Variants in PDE10A observed in about 807,000 individuals in gnomAD.
PDE10A encodes the protein phosphodiesterase 10A.
In PDE10A, 39 loss-of-function variants were observed where a neutral mutation model predicts 97.7. The observed-to-expected ratio is 0.40, with a 90% CI of 0.31 to 0.52. The LOEUF (loss-of-function observed/expected upper bound fraction) is 0.52, where lower values mean the gene tolerates loss of function less well. Among genes scored for constraint, PDE10A ranks in the 20% least tolerant of loss-of-function variants. PDE10A has a pLI of 0.56. For synonymous variants in PDE10A, 371 were observed against 376.8 expected (o/e 0.98, Z 0.18); for missense variants, 731 against 1,047.8 (o/e 0.70, Z 4.17).
rs148227009 is a variant in PDE10A, at chr6:165,788,004, T to C, written c.-615+199525A>G. On this transcript the variant is annotated intron_variant, in intron 1 of 19. Transcript: ENST00000366882. ...TTCATGTTCCTCAATGAGAGTGTGA[T>C]GTATAGACATTCATTTAAATCTGTA... Among the ~76,000 whole-genome samples, 10 of 152,352 alleles carry C rather than the reference T, an allele frequency of 6.6e-5. No homozygotes were observed. In the East Asian group the frequency reaches 1.9e-3, roughly 29 times the overall value.
chr6:165,619,371 G>GTGTAGTCTAATGTAGTGTA (rs1562634555), intron 1 of PDE10A, among the ~76,000 whole-genome samples: 2 of 7,654 alleles, frequency 2.6e-4, no homozygotes, highest in Admixed American at 1.4e-3. Context: ...AGTGTAGTGT[G>GTGTAGTCTAATGTAGTGTA]GTGTAGTGTA....
chr6:165,785,149 G>A (rs1279998483), intron 1 of PDE10A, among the ~76,000 whole-genome samples: 1 of 152,180 alleles, frequency 6.6e-6, no homozygotes, highest in African/African-American at 2.4e-5. Context: ...TGTGCACCTC[G>A]AAGAGCCTCA....
intron 1 of PDE10A, among the ~76,000 whole-genome samples, chr6:165,619,359 C>T (rs796181094): frequency 5.4e-5 from 1 of 18,396 alleles, no homozygotes; most frequent in Non-Finnish European, 1.1e-4. Context: ...GTAGTGTAGT[C>T]TAGTGTAGTG....
intron 2 of PDE10A, among the ~76,000 whole-genome samples, chr6:165,528,805 T>C (rs1005882647): frequency 1.3e-5 from 2 of 152,182 alleles, no homozygotes; most frequent in Non-Finnish European, 2.9e-5. Flanking sequence ...GATAGAACAG[T>C]GGAATGGCCT....
intron 1 of PDE10A, among the ~76,000 whole-genome samples, chr6:165,607,766 A>G (rs1172603705): frequency 6.6e-6 from 1 of 152,194 alleles, no homozygotes; most frequent in Non-Finnish European, 1.5e-5. Flanking sequence ...TAAGGATGAA[A>G]TGCAGCACGT....
At chr6:165,485,685 C>T (rs1329145745) in intron 2 of PDE10A, among the ~76,000 whole-genome samples, 6 of 151,096 alleles carry the variant, frequency 4.0e-5, no homozygotes, top group Non-Finnish European at 7.4e-5. Context: ...CTCTGCCTTC[C>T]GGGTTCAAGC....
chr6:165,627,252 G>A (rs1166132848), intron 1 of PDE10A, among the ~76,000 whole-genome samples: 1 of 152,250 alleles, frequency 6.6e-6, no homozygotes, highest in South Asian at 2.1e-4. Flanking sequence ...ACAGGCATAA[G>A]CCACCACACG....
chr6:165,737,197 A>G (rs1792596954), intron 1 of PDE10A, among the ~76,000 whole-genome samples: 1 of 152,240 alleles, frequency 6.6e-6, no homozygotes, highest in South Asian at 2.1e-4. Context: ...GCTTCATGGT[A>G]GAGTTCTATC....
In PDE10A at chr6:165,489,919, A is replaced by G. The variant is rs532108599; in HGVS notation, c.995-7576T>C. 3.9e-5 allele frequency among the ~76,000 whole-genome samples: 6 copies of G among 152,354 alleles called. No individual in the cohort carries two copies. The East Asian group carries it at 9.6e-4, about 24-fold the overall frequency. ...AAAGAAAAAAGAATTTAATAAATGA[A>G]CAAAGCCTCCAAGAAGTTTAAAATT... On this transcript the variant is annotated intron_variant, in intron 2 of 21. Transcript: ENST00000539869.
chr6:165,886,323 GGAGCCCTGGAGCCCCA>G (rs1410029057), intron 1 of PDE10A, among the ~76,000 whole-genome samples: 2 of 150,656 alleles, frequency 1.3e-5, no homozygotes, highest in African/African-American at 4.9e-5. Flanking sequence ...CTGGAATACT[GGAGCCCTGGAGCCCCA>G]GAGTCCTGGA....
intron 1 of PDE10A, among the ~76,000 whole-genome samples, chr6:165,771,654 T>TAAAAAAAAAA (rs35902541): frequency 9.4e-5 from 10 of 106,268 alleles, no homozygotes; most frequent in Non-Finnish European, 1.4e-4. Flanking sequence ...TTTAACAAGA[T>TAAAAAAAAAA]AAAAAAAAAA....
At chr6:165,674,116 C>T (rs1355038871) in intron 1 of PDE10A, among the ~76,000 whole-genome samples, 1 of 152,086 alleles carries the variant, frequency 6.6e-6, no homozygotes, top group African/African-American at 2.4e-5. Context: ...GACTCATTGC[C>T]CAGGTTCAAA....
At chr6:165,463,289 T>C (rs1304185947) in intron 3 of PDE10A, among the ~76,000 whole-genome samples, 1 of 152,188 alleles carries the variant, frequency 6.6e-6, no homozygotes, top group Admixed American at 6.5e-5. Context: ...TAAGGATTTG[T>C]GGAAACTATT....
At chr6:165,588,556 G>T (rs1033062780) in intron 1 of PDE10A, among the ~76,000 whole-genome samples, 3 of 152,084 alleles carry the variant, frequency 2.0e-5, no homozygotes, top group African/African-American at 7.2e-5. Flanking sequence ...CTAACAAAGT[G>T]CTGGGATTAC....
intron 1 of PDE10A, among the ~76,000 whole-genome samples, chr6:165,887,762 C>T (rs1216200510): frequency 6.6e-6 from 1 of 152,202 alleles, no homozygotes; most frequent in Non-Finnish European, 1.5e-5. Context: ...TACAAGCCAG[C>T]ATTAAAGTTC....
intron 1 of PDE10A, among the ~76,000 whole-genome samples, chr6:165,943,279 G>GAA (rs1345524962): frequency 2.7e-4 from 33 of 123,856 alleles, no homozygotes; most frequent in Middle Eastern, 4.0e-3. Flanking sequence ...AGGAAGGAAA[G>GAA]AAAGAAAGAA....
At chr6:165,447,632 T>C (rs1790962192) in intron 5 of PDE10A, among the ~76,000 whole-genome samples, 1 of 152,242 alleles carries the variant, frequency 6.6e-6, no homozygotes, top group Non-Finnish European at 1.5e-5. Context: ...AAAAATAATT[T>C]TTAATGCACC....
At chr6:165,701,724 CGTGTGTGCATGT>C (rs1447141666) in intron 1 of PDE10A, among the ~76,000 whole-genome samples, 6 of 148,928 alleles carry the variant, frequency 4.0e-5, no homozygotes, top group South Asian at 2.2e-4. Flanking sequence ...TGTGTTTGCG[CGTGTGTGCATGT>C]GTGTGTGCAT....
At chr6:165,548,012 C>A (rs1421724796) in intron 1 of PDE10A, among the ~76,000 whole-genome samples, 1 of 152,060 alleles carries the variant, frequency 6.6e-6, no homozygotes, top group Non-Finnish European at 1.5e-5. Context: ...AAACTTTTAT[C>A]AAATCACACC....
Sources: allele counts gnomAD v4.1 joint callset (sites outside exome capture counted in the v4.1 genomes callset), GRCh38; gene constraint gnomAD v4.1.1; transcripts MANE v1.5; gene names NCBI Gene and HGNC (gene_info 2026-07-23, HGNC 2026-07-21).